The following RPS6KA6 variants were observed in gnomAD, a reference collection of about 807,000 sequenced individuals.
RPS6KA6 encodes the protein ribosomal protein S6 kinase A6, also known as ribosomal protein S6 kinase alpha-6.
RPS6KA6 carries 27 observed loss-of-function variants against 65.4 expected under a neutral mutation model. The observed-to-expected ratio is 0.41, with a 90% confidence interval of 0.30 to 0.57. The LOEUF (loss-of-function observed/expected upper bound fraction) is 0.57, where lower values mean the gene tolerates loss of function less well. Ranked by LOEUF, RPS6KA6 falls within the 20% of genes least tolerant of loss-of-function variation. The pLI, the probability that RPS6KA6 is intolerant of heterozygous loss-of-function variation, is 0.24. For missense variants in RPS6KA6, 486 were observed against 555.6 expected, an observed-to-expected ratio of 0.87 and a Z score of 1.26; for synonymous variants, 190 against 184.2, an observed-to-expected ratio of 1.03 and a Z score of -0.26.
chrX:84,184,829 C>CAAAAAAA (rs11445430), intron 1 of RPS6KA6, among the ~76,000 whole-genome samples: 19 of 19,974 alleles, frequency 9.5e-4, no homozygotes, highest in Admixed American at 2.7e-3. Flanking sequence ...GACCCTGACT[C>CAAAAAAA]AAAAAAAAAA....
chrX:84,143,089 C>T (rs970420075), intron 6 of RPS6KA6, among the ~76,000 whole-genome samples: 3 of 110,738 alleles, frequency 2.7e-5, no homozygotes, highest in Admixed American at 9.6e-5. Context: ...CAGCAAATAT[C>T]GTCCAACAAT....
rs982302269 is a variant in RPS6KA6 at position 84,184,456 on chromosome X, A to G, written c.81+3363T>C. On this transcript the variant is annotated intron_variant, in intron 1 of 21. Transcript: ENST00000262752. ...ACCCAGCACTGAATTTTCTTTACATAACAACTCTTGAAGATGTTTTTTCTC... is the reference window on the plus strand; with the variant it reads ...ACCCAGCACTGAATTTTCTTTACATGACAACTCTTGAAGATGTTTTTTCTC... Among the ~76,000 whole-genome samples the G allele has an allele frequency of 9.8e-5, 11 of 111,939 alleles. No individual in the cohort carries two copies. In the East Asian group the frequency reaches 2.5e-3, roughly 26 times the overall value.
chrX:84,138,135 T>C (rs2035027149), intron 6 of RPS6KA6, among the ~76,000 whole-genome samples: 1 of 112,015 alleles, frequency 8.9e-6, no homozygotes, highest in Admixed American at 9.5e-5. Flanking sequence ...ATTTCTCAAA[T>C]ACTGTTTATT....
intron 6 of RPS6KA6, among the ~76,000 whole-genome samples, chrX:84,136,807 T>A (rs1329113754): frequency 9.0e-6 from 1 of 111,040 alleles, no homozygotes; most frequent in Non-Finnish European, 1.9e-5. Context: ...CCAAACTCTA[T>A]GAGGTAGGTA....
At chrX:84,117,298 G>T in intron 10 of RPS6KA6, 86 bp downstream of exon 10, 1 of 690,708 alleles carries the variant, frequency 1.4e-6, no homozygotes. Flanking sequence ...AGGTACTCTT[G>T]TATTATTTTA....
intron 12 of RPS6KA6, among the ~76,000 whole-genome samples, chrX:84,108,592 C>T (rs2034408016): frequency 9.1e-6 from 1 of 109,704 alleles, no homozygotes; most frequent in Non-Finnish European, 1.9e-5. Context: ...GAGTGAGAGA[C>T]CCCCAGGATT....
intron 8 of RPS6KA6, among the ~76,000 whole-genome samples, chrX:84,124,152 G>A (rs774479401): frequency 1.7e-4 from 19 of 111,296 alleles, no homozygotes; most frequent in African/African-American, 5.6e-4. Flanking sequence ...AACTCCCAGC[G>A]AATACCTGTA....
intron 6 of RPS6KA6, among the ~76,000 whole-genome samples, chrX:84,143,736 C>A (rs1380608306): frequency 2.7e-5 from 3 of 110,841 alleles, no homozygotes; most frequent in African/African-American, 9.8e-5. Flanking sequence ...GCCAAACTTT[C>A]AAAAAGAAAA....
Position 84,161,607 on chromosome X carries a change from T to C in RPS6KA6, c.141+2721A>G, listed in dbSNP as rs930615447. 3.6e-5 allele frequency among the ~76,000 whole-genome samples: 4 copies of C among 111,612 alleles called. No homozygotes were observed. The Admixed American group carries it at 3.8e-4, about 11-fold the overall frequency. Reference sequence around the variant, plus strand: ...GAAAGCAGGCATTCTCAGCTTGAAATAGCTCCTACCTGTGGTTCCACTGAG... The same window carrying C: ...GAAAGCAGGCATTCTCAGCTTGAAACAGCTCCTACCTGTGGTTCCACTGAG... On this transcript the variant is annotated intron_variant, in intron 2 of 21. Transcript: ENST00000262752.
chrX:84,064,197 G>A lies in RPS6KA6; in HGVS notation c.*80C>T, dbSNP rs1479052078. 3.2e-5 allele frequency: 33 copies of A among 1,035,526 alleles called. No individual in the cohort carries two copies. Among genetic ancestry groups the A allele is most frequent in the Non-Finnish European group, 4.0e-5 (31 of 768,955 alleles). The allele number at this position is 1,035,526 out of a possible 1,213,427, so 85.3% of individuals were successfully genotyped here. On this transcript the variant is annotated 3_prime_UTR_variant, in exon 22 of 22. Coordinates refer to ENST00000262752, the MANE Select transcript of RPS6KA6 (RefSeq NM_014496.5). ...ATATTCAAGTAATTTAGCAGACAAC[G>A]ATGCCTTTGATAAGAATAGGAAAAA...
rs2034321789 is a variant in RPS6KA6 at position 84,104,650 on chromosome X, T to C, written c.1463A>G (p.Asp488Gly). 1 of 1,110,019 alleles carries C rather than the reference T, an allele frequency of 9.0e-7. No individual in the cohort carries two copies. The highest frequency in any genetic ancestry group is 1.2e-6 in the Non-Finnish European group (1 of 835,142). The allele number at this position is 1,110,019 out of a possible 1,213,427, so 91.5% of individuals were successfully genotyped here. A position where few individuals can be genotyped will look rare whatever the true frequency, so the allele number is the denominator to read the frequency against. Residue 488 changes from aspartate to glycine, a missense_variant, in exon 17 of 22, where the codon GAT (aspartate) becomes GGT (glycine). Around this residue, in one of 3 missense-constraint regions of RPS6KA6, gnomAD observed 345 missense variants for 375.0 expected, o/e 0.92. Coordinates refer to ENST00000262752, the MANE Select transcript of RPS6KA6 (RefSeq NM_014496.5). Reference sequence around the variant, plus strand: ...AACAAGGTAAACATATCTACCATCATCAAAGACCTACAAAAGAACGCAGTT... The same window carrying C: ...AACAAGGTAAACATATCTACCATCACCAAAGACCTACAAAAGAACGCAGTT... Reference protein sequence around the residue: ...PNIITLKDVFDDGRYVYLVTD... With the variant: ...PNIITLKDVFGDGRYVYLVTD...
At position 84,181,466 on chromosome X, in the gene RPS6KA6, C is replaced by A. The variant is rs190410774; in HGVS notation, c.81+6353G>T. Among the ~76,000 whole-genome samples, 500 of 112,332 alleles carry A rather than the reference C, an allele frequency of 4.5e-3. 4 individuals are homozygous for A. Among genetic ancestry groups the A allele is most frequent in the African/African-American group, 0.015 (468 of 30,980 alleles). ...CTCCAGTCATATCTTAAAACAACAA[C>A]AAAATAAAACACACAGAAAAATATC... On this transcript the variant is annotated intron_variant, in intron 1 of 21. Transcript: ENST00000262752.
chrX:84,165,274 G>GA (rs908907658), intron 1 of RPS6KA6, among the ~76,000 whole-genome samples: 6 of 108,085 alleles, frequency 5.6e-5, no homozygotes, highest in Non-Finnish European at 7.7e-5. Flanking sequence ...TAAGTCAACA[G>GA]AAAAAAAAAT....
chrX:84,118,923 T>G (rs1028834017), intron 9 of RPS6KA6, among the ~76,000 whole-genome samples: 3 of 112,075 alleles, frequency 2.7e-5, no homozygotes, highest in Non-Finnish European at 1.9e-5. Context: ...TATAGGTTTA[T>G]AGCTTCACTT....
chrX:84,087,251 C>A (rs1321835788), intron 20 of RPS6KA6, among the ~76,000 whole-genome samples: 3 of 111,551 alleles, frequency 2.7e-5, no homozygotes, highest in Non-Finnish European at 5.6e-5. Context: ...CATAATGTAA[C>A]TGGTCTGTGT....
chrX:84,145,630 T>C (rs1004505393), intron 5 of RPS6KA6, 73 bp from the exon 6 acceptor site: 18 of 542,894 alleles, frequency 3.3e-5, no homozygotes, highest in Middle Eastern at 3.7e-4. Flanking sequence ...TTTAAATTAA[T>C]ATATGTTTAG....
intron 18 of RPS6KA6, among the ~76,000 whole-genome samples, chrX:84,098,437 T>C (rs1291361731): frequency 9.0e-6 from 1 of 111,346 alleles, no homozygotes; most frequent in African/African-American, 3.2e-5. Context: ...CATACAATAA[T>C]TTAGGAAGCT....
intron 1 of RPS6KA6, among the ~76,000 whole-genome samples, chrX:84,177,347 G>C (rs1474760540): frequency 9.0e-6 from 1 of 111,384 alleles, no homozygotes; most frequent in Non-Finnish European, 1.9e-5. Flanking sequence ...CAATGGAAAA[G>C]ACACTCTTCT....
At chrX:84,068,067 G>T (rs1399296406) in intron 20 of RPS6KA6, among the ~76,000 whole-genome samples, 1 of 111,521 alleles carries the variant, frequency 9.0e-6, no homozygotes, top group East Asian at 2.8e-4. Context: ...ACAAGCAAAT[G>T]CTGTGAGATT....
Sources: gnomAD v4.1 joint callset for allele counts (sites outside exome capture counted in the v4.1 genomes callset) on GRCh38, gnomAD v4.1.1 for gene constraint, gnomAD v4.1.1 regional missense constraint, MANE v1.5 for transcripts, NCBI Gene and HGNC (gene_info 2026-07-23, HGNC 2026-07-21) for gene names.